The following SGTB variants were observed in gnomAD, a reference collection of about 807,000 sequenced individuals.
The protein encoded by SGTB is small glutamine rich tetratricopeptide repeat co-chaperone beta, also known as small glutamine-rich tetratricopeptide repeat-containing protein beta.
A neutral mutation model predicts 43.9 loss-of-function variants in SGTB; 19 were observed. That is an observed-to-expected ratio of 0.43 (90% confidence interval 0.30 to 0.63). The LOEUF (loss-of-function observed/expected upper bound fraction) is 0.63, where lower values mean the gene tolerates loss of function less well. Ranked by LOEUF, SGTB falls within the 30% of genes least tolerant of loss-of-function variation. The pLI is 0.12. For synonymous variants in SGTB, 116 were observed against 117.3 expected (o/e 0.99, Z 0.07); for missense variants, 304 against 358.9 (o/e 0.85, Z 1.24).
chr5:65,672,419 T>C (rs1757177038), intron 8 of SGTB, 138 bp from the exon 9 acceptor site: 2 of 1,018,892 alleles, frequency 2.0e-6, no homozygotes, highest in Non-Finnish European at 1.5e-6. Context: ...CTATGCAAAG[T>C]AAAGGGGAAT....
chr5:65,686,984 T>C (rs1757512033), intron 5 of SGTB, among the ~76,000 whole-genome samples: 1 of 152,210 alleles, frequency 6.6e-6, no homozygotes. Flanking sequence ...TACATAGTAA[T>C]AAATCAATTA....
chr5:65,707,106 CA>C (rs909436302), intron 4 of SGTB, among the ~76,000 whole-genome samples: 4 of 150,094 alleles, frequency 2.7e-5, no homozygotes, highest in African/African-American at 9.8e-5. Context: ...ACTAAAAATA[CA>C]AAAAAATTCA....
chr5:65,714,893 T>C (rs771125038), intron 2 of SGTB, among the ~76,000 whole-genome samples: 24 of 152,162 alleles, frequency 1.6e-4, no homozygotes, highest in Non-Finnish European at 3.2e-4. Flanking sequence ...CTTCAAGGAA[T>C]GAGCAAATGG....
rs146958834 is a variant in SGTB, at chr5:65,680,712, A to T, written c.562T>A (p.Ser188Thr). 7,033 of 1,614,086 alleles carry T rather than the reference A, an allele frequency of 4.4e-3. 26 individuals are homozygous for T. The highest frequency in any genetic ancestry group is 6.9e-3 in the Admixed American group (417 of 60,020). Residue 188 changes from serine to threonine, a missense_variant, in exon 7 of 11, where the codon TCC becomes ACC. Coordinates refer to ENST00000381007, the MANE Select transcript of SGTB (RefSeq NM_019072.3). ...KALDLDPEND[S>T]YKSNLKIAEQ... ...GCTATTTTCAGATTTGACTTATAGGAATCATTTTCAGGGTCAAGATCTAAT... is the reference window on the plus strand; with the variant it reads ...GCTATTTTCAGATTTGACTTATAGGTATCATTTTCAGGGTCAAGATCTAAT...
chr5:65,704,270 C>T lies in SGTB; in HGVS notation c.374+9G>A, dbSNP rs775739011. On this transcript the variant is annotated intron_variant, in intron 5 of 10. Coordinates refer to ENST00000381007, the MANE Select transcript of SGTB (RefSeq NM_019072.3). ...GAATTGCAAACCTGCCACAATAGTG[C>T]TAGTTTACCTGTTGCAATAGTAAAC... 2.0e-5 allele frequency: 31 copies of T among 1,581,490 alleles called. No homozygotes were observed. Among genetic ancestry groups the T allele is most frequent in the Non-Finnish European group, 2.7e-5 (31 of 1,160,234 alleles).
At chr5:65,678,651 T>C (rs1417170393) in intron 8 of SGTB, among the ~76,000 whole-genome samples, 1 of 152,098 alleles carries the variant, frequency 6.6e-6, no homozygotes, top group East Asian at 1.9e-4. Context: ...AACAGACACA[T>C]AGACCAGTGG....
chr5:65,704,288 T>C lies in SGTB; in HGVS notation c.365A>G (p.Tyr122Cys), dbSNP rs1757888714. ...IELDPNNAVYYCNRAAAQSKL... is the reference protein window; with the variant it reads ...IELDPNNAVYCCNRAAAQSKL... The stretch of plus-strand genomic sequence containing the variant: ...AATAGTGCTAGTTTACCTGTTGCAA[T>C]AGTAAACTGCATTATTGGGATCCAA... The change falls in exon 5 of 11, where the codon TAT (tyrosine) becomes TGT (cysteine). Residue 122 changes from tyrosine (Y) to cysteine (C), a missense_variant. Tyr to Cys is a radical substitution (Grantham distance 194). Coordinates refer to ENST00000381007, the MANE Select transcript of SGTB (RefSeq NM_019072.3). 1.2e-6 allele frequency: 2 copies of C among 1,601,616 alleles called. No homozygotes were observed. Among genetic ancestry groups the C allele is most frequent in the Non-Finnish European group, 8.5e-7 (1 of 1,173,286 alleles).
rs1018308599 is a variant in SGTB at position 65,669,254 on chromosome 5, T to G, written c.*992A>C. 6.6e-6 allele frequency: 1 copy of G among 152,242 alleles called. No homozygotes were observed. Among genetic ancestry groups the G allele is most frequent in the Non-Finnish European group, 1.5e-5 (1 of 68,030 alleles). 9.4% of individuals were successfully genotyped at this position (152,242 alleles called of 1,614,324 possible). ...TGTTAGTGATAGATGCTTTTTGTTA[T>G]CCATCAAATAATTACTAAGTTTTCT... On this transcript the variant is annotated 3_prime_UTR_variant, in exon 11 of 11. Coordinates refer to ENST00000381007, the MANE Select transcript of SGTB (RefSeq NM_019072.3).
chr5:65,678,185 C>T (rs1408535655), intron 8 of SGTB, among the ~76,000 whole-genome samples: 5 of 152,206 alleles, frequency 3.3e-5, no homozygotes, highest in Admixed American at 3.3e-4. Context: ...AAATTGCTAG[C>T]ATTCCTACAT....
chr5:65,704,733 CG>C (rs928508754), intron 4 of SGTB, among the ~76,000 whole-genome samples: 8 of 152,158 alleles, frequency 5.3e-5, no homozygotes, highest in Non-Finnish European at 1.5e-5. Flanking sequence ...TGCCCCAGCC[CG>C]TTCCAGATGC....
chr5:65,721,773 A>T (rs1758290129), intron 1 of SGTB, 144 bp downstream of exon 1: 1 of 152,496 alleles, frequency 6.6e-6, no homozygotes. Flanking sequence ...TCCTCTCCCC[A>T]GAGCGCATCG....
intron 2 of SGTB, among the ~76,000 whole-genome samples, chr5:65,715,720 G>A (rs573770716): frequency 6.6e-6 from 1 of 152,366 alleles, no homozygotes; most frequent in South Asian, 2.1e-4. Context: ...GGGTAAGGAG[G>A]ATGGAGAGTG....
upstream of SGTB, chr5:65,722,417 A>G (rs1331644037): frequency 6.3e-7 from 1 of 1,586,894 alleles, no homozygotes. Context: ...CTCCGCAGGT[A>G]CCTCCAGCGC....
At chr5:65,676,677 A>C (rs1190756463) in intron 8 of SGTB, among the ~76,000 whole-genome samples, 1 of 152,058 alleles carries the variant, frequency 6.6e-6, no homozygotes, top group Non-Finnish European at 1.5e-5. Flanking sequence ...CCACACAACT[A>C]CATGGAAATT....
Position 65,685,622 on chromosome 5 carries a change from A to C in SGTB, c.375-150T>G, listed in dbSNP as rs923218794. ...GTCAAACTGTCTAAGATAATTATGT[A>C]ATAAAATGAAAAAAAAAAGCTCAGA... On this transcript the variant is annotated intron_variant, in intron 5 of 10. Transcript: ENST00000381007. 6.7e-6 allele frequency: 4 copies of C among 598,340 alleles called. No individual in the cohort carries two copies. The African/African-American group carries it at 7.4e-5, about 11-fold the overall frequency. The allele number at this position is 598,340 out of a possible 1,614,324, so 37.1% of individuals were successfully genotyped here.
chr5:65,687,808 G>A (rs1380935911), intron 5 of SGTB, among the ~76,000 whole-genome samples: 3 of 152,232 alleles, frequency 2.0e-5, no homozygotes, highest in South Asian at 2.1e-4. Flanking sequence ...TTGCTTTGTC[G>A]CCCAGGCTGG....
At chr5:65,714,456 T>C (rs1196094235) in intron 2 of SGTB, among the ~76,000 whole-genome samples, 1 of 152,118 alleles carries the variant, frequency 6.6e-6, no homozygotes, top group Non-Finnish European at 1.5e-5. Context: ...TATGGCAAAA[T>C]AAGTGGTTGG....
At chr5:65,684,643 C>T (rs1330543871) in intron 6 of SGTB, among the ~76,000 whole-genome samples, 2 of 152,220 alleles carry the variant, frequency 1.3e-5, no homozygotes, top group East Asian at 3.9e-4. Context: ...ACCTCTGCCG[C>T]CCAGGTTCAA....
intron 10 of SGTB, among the ~76,000 whole-genome samples, chr5:65,671,484 T>C (rs1757152114): frequency 1.3e-5 from 2 of 152,180 alleles, no homozygotes; most frequent in Admixed American, 1.3e-4. Context: ...CACTAACCTG[T>C]ACCTCAGTTT....
Sources: allele counts gnomAD v4.1 joint callset (sites outside exome capture counted in the v4.1 genomes callset), GRCh38; gene constraint gnomAD v4.1.1; transcripts MANE v1.5; gene names NCBI Gene and HGNC (gene_info 2026-07-23, HGNC 2026-07-21).